ADAP1: variants seen among roughly 807,000 people sequenced by gnomAD.
ADAP1 encodes arf-GAP with dual PH domain-containing protein 1.
In ADAP1, 31 loss-of-function variants were observed where a neutral mutation model predicts 54.9. That is an observed-to-expected ratio of 0.56 (90% CI 0.42 to 0.76). The LOEUF (loss-of-function observed/expected upper bound fraction) is 0.76. Ranked by LOEUF, ADAP1 falls within the 30% of genes least tolerant of loss-of-function variation. The pLI is 0.00. For synonymous variants in ADAP1, 313 were observed against 202.6 expected (o/e 1.55, Z -4.63); for missense variants, 535 against 512.4 (o/e 1.04, Z -0.42).
chr7:924,000 G>A (rs888070866), intron 3 of ADAP1, among the ~76,000 whole-genome samples: 2 of 149,436 alleles, frequency 1.3e-5, no homozygotes, highest in Non-Finnish European at 3.0e-5. Flanking sequence ...AAAATGGCAG[G>A]ATGTAGGCAC....
intron 4 of ADAP1, among the ~76,000 whole-genome samples, chr7:914,322 A>G (rs530591389): frequency 1.2e-4 from 19 of 152,234 alleles, no homozygotes; most frequent in African/African-American, 2.6e-4. Flanking sequence ...AGGGACTTCT[A>G]TATTTCCCTG....
Position 905,040 on chromosome 7 carries a change from C to G in ADAP1, c.501+20G>C, listed in dbSNP as rs1261447151. The G allele has an allele frequency of 1.9e-6, 3 of 1,601,248 alleles. No individual in the cohort carries two copies. The African/African-American group carries it at 4.0e-5, about 21-fold the overall frequency. ...GCCGCCCTGGGACAGGCCCCCACCC[C>G]ACCCCCGTCTGTGACTCACATCATT... On this transcript the variant is annotated intron_variant, in intron 5 of 10. Transcript: ENST00000265846.
chr7:900,664 T>TGG, intron 6 of ADAP1, 48 bp from the exon 7 acceptor site: 2 of 1,379,482 alleles, frequency 1.4e-6, no homozygotes, highest in Non-Finnish European at 2.0e-6. Context: ...GCTGCAGCGC[T>TGG]GGGGTCCCCA....
intron 2 of ADAP1, among the ~76,000 whole-genome samples, chr7:927,785 A>T (rs1370052798): frequency 6.6e-6 from 1 of 152,198 alleles, no homozygotes; most frequent in Non-Finnish European, 1.5e-5. Flanking sequence ...CGAGGACGAG[A>T]GCCTCGACCC....
At chr7:912,144 C>G (rs1465384996) in intron 4 of ADAP1, among the ~76,000 whole-genome samples, 3 of 152,176 alleles carry the variant, frequency 2.0e-5, no homozygotes, top group Admixed American at 1.3e-4. Flanking sequence ...GTCGGCCCAT[C>G]CCTGCCTGGT....
intron 4 of ADAP1, among the ~76,000 whole-genome samples, chr7:907,060 C>A (rs1475083128): frequency 6.6e-6 from 1 of 152,114 alleles, no homozygotes; most frequent in Admixed American, 6.5e-5. Flanking sequence ...CTCCCTCCTC[C>A]CTCAGCCGTC....
At chr7:913,575 G>A (rs919781626) in intron 4 of ADAP1, among the ~76,000 whole-genome samples, 1 of 152,064 alleles carries the variant, frequency 6.6e-6, no homozygotes, top group African/African-American at 2.4e-5. Context: ...TTGCTCCCCT[G>A]TTATAATCCC....
At position 904,263 on chromosome 7, in the gene ADAP1, G is replaced by GCTCCTTGGC; in HGVS notation, c.502_510dup (p.Ala168_Glu170dup). ...TGCTCGATCTTCATCACGGCCTTGG[G>GCTCCTTGGC]CTCCTTGGCCTGAGAAGGGGTGGGG... On this transcript the variant is annotated inframe_insertion, in exon 6 of 11. Coordinates refer to ENST00000265846, the MANE Select transcript of ADAP1 (RefSeq NM_006869.4). 1 of 1,596,262 alleles carries GCTCCTTGGC rather than the reference G, an allele frequency of 6.3e-7. No individual in the cohort carries two copies. Among genetic ancestry groups the GCTCCTTGGC allele is most frequent in the Non-Finnish European group, 8.5e-7 (1 of 1,170,712 alleles).
At chr7:927,232 G>C in intron 2 of ADAP1, 1 of 1,267,112 alleles carries the variant, frequency 7.9e-7, no homozygotes, top group Non-Finnish European at 1.0e-6. Flanking sequence ...CCGTGAAGGA[G>C]GGGAGGTGCT....
chr7:915,809 G>A (rs143783839), intron 4 of ADAP1, among the ~76,000 whole-genome samples: 12 of 151,968 alleles, frequency 7.9e-5, no homozygotes, highest in Admixed American at 3.3e-4. Flanking sequence ...CAGAACCTAC[G>A]CCCACTGCCG....
At chr7:948,903 G>A (rs1847204020) in intron 1 of ADAP1, among the ~76,000 whole-genome samples, 1 of 152,086 alleles carries the variant, frequency 6.6e-6, no homozygotes, top group Non-Finnish European at 1.5e-5. Flanking sequence ...CACCATGTTG[G>A]CCAGGATGGT....
chr7:935,646 C>T (rs1046996639), intron 1 of ADAP1, 141 bp from the exon 2 acceptor site: 15 of 1,104,238 alleles, frequency 1.4e-5, no homozygotes, highest in East Asian at 1.1e-4. Context: ...AGGCTCCGTG[C>T]GCCCCACAGG....
At chr7:918,683 C>T (rs1846032926) in intron 4 of ADAP1, among the ~76,000 whole-genome samples, 1 of 152,198 alleles carries the variant, frequency 6.6e-6, no homozygotes, top group African/African-American at 2.4e-5. Flanking sequence ...CGTTCAGAAC[C>T]AGGCCCTAGG....
intron 1 of ADAP1, among the ~76,000 whole-genome samples, chr7:954,118 G>T (rs1583194875): frequency 1.3e-5 from 2 of 152,056 alleles, no homozygotes; most frequent in East Asian, 1.9e-4. Flanking sequence ...CGTCAGACAC[G>T]CAGCCCGGCG....
rs528152200 is a variant in ADAP1 at position 917,569 on chromosome 7, A to C, written c.388+2399T>G. Among the ~76,000 whole-genome samples the C allele has an allele frequency of 1.5e-4, 23 of 152,146 alleles. 1 individual carries two copies. In the South Asian group the frequency reaches 4.8e-3, roughly 32 times the overall value. ...AACCTCCGCCTTCCAGGTTCAAGCG[A>C]TTCTCCTGCATCAGCCTGCCGAGGA... is the stretch of plus-strand genomic sequence containing the variant. On this transcript the variant is annotated intron_variant, in intron 4 of 10. Transcript: ENST00000265846.
At position 898,641 on chromosome 7, in the gene ADAP1, G is replaced by C. The variant is rs1844622102; in HGVS notation, c.*280C>G. The C allele has an allele frequency of 5.4e-5, 28 of 515,624 alleles. 1 individual carries two copies. The South Asian group carries it at 5.8e-4, about 11-fold the overall frequency. 31.9% of individuals were successfully genotyped at this position (515,624 alleles called of 1,614,324 possible). ...GAGCTCGGGAGCCAGACTGGGCCCT[G>C]GAGGAAAGGGGGCCCCGGGTCAGGG... is the stretch of plus-strand genomic sequence containing the variant. On this transcript the variant is annotated 3_prime_UTR_variant, in exon 11 of 11. Coordinates refer to ENST00000265846, the MANE Select transcript of ADAP1 (RefSeq NM_006869.4).
chr7:905,846 G>GGAGAAGGGAGAAAGGAGAAGA (rs1845238401), intron 4 of ADAP1, among the ~76,000 whole-genome samples: 1 of 56,294 alleles, frequency 1.8e-5, no homozygotes, highest in African/African-American at 4.9e-5. Flanking sequence ...AAGGGAGAAG[G>GGAGAAGGGAGAAAGGAGAAGA]GAGAAGGGAG....
intron 2 of ADAP1, among the ~76,000 whole-genome samples, chr7:934,560 C>T (rs2128108567): frequency 6.6e-6 from 1 of 152,226 alleles, no homozygotes; most frequent in South Asian, 2.1e-4. Flanking sequence ...CTTCCAGACC[C>T]CAAGTCCCAC....
In ADAP1 at chr7:898,590, G is replaced by A. The variant is rs777584206; in HGVS notation, c.*331C>T. 15 of 429,650 alleles carry A rather than the reference G, an allele frequency of 3.5e-5. No individual in the cohort carries two copies. Among genetic ancestry groups the A allele is most frequent in the African/African-American group, 2.0e-4 (10 of 49,582 alleles). 26.6% of individuals were successfully genotyped at this position (429,650 alleles called of 1,614,324 possible). ...AGGCCTGGAAGTTCCCACAGCCGTG[G>A]TGGGCGGCTCCTGGGGGCTGTGTCT... On this transcript the variant is annotated 3_prime_UTR_variant, in exon 11 of 11. Coordinates refer to ENST00000265846, the MANE Select transcript of ADAP1 (RefSeq NM_006869.4).
Sources: gnomAD v4.1 joint callset for allele counts (sites outside exome capture counted in the v4.1 genomes callset) on GRCh38, gnomAD v4.1.1 for gene constraint, MANE v1.5 for transcripts, NCBI Gene and HGNC (gene_info 2026-07-23, HGNC 2026-07-21) for gene names.